Variants in DCLK2 observed in about 807,000 individuals in gnomAD.
DCLK2 encodes doublecortin like kinase 2, also known as serine/threonine-protein kinase DCLK2.
A neutral mutation model predicts 78.4 loss-of-function variants in DCLK2; 31 were observed. The observed-to-expected ratio is 0.40, with a 90% CI of 0.30 to 0.53. The LOEUF is 0.53. DCLK2 is among the 20% of genes least tolerant of loss of function. DCLK2 has a pLI of 0.61. For missense variants in DCLK2, 872 were observed against 973.7 expected (o/e 0.90, Z 1.39); for synonymous variants, 407 against 374.9 (o/e 1.09, Z -0.99).
chr4:150,188,863 C>A (rs1163215089), intron 2 of DCLK2, among the ~76,000 whole-genome samples: 3 of 147,452 alleles, frequency 2.0e-5, no homozygotes, highest in Non-Finnish European at 4.5e-5. Flanking sequence ...CTAGATCATG[C>A]CACTGCACTC....
At chr4:150,104,067 A>G (rs1451789671) in intron 2 of DCLK2, among the ~76,000 whole-genome samples, 1 of 152,140 alleles carries the variant, frequency 6.6e-6, no homozygotes, top group Non-Finnish European at 1.5e-5. Context: ...AGACACATAT[A>G]GAGACAAAAA....
At chr4:150,189,454 A>T (rs1268071517) in intron 2 of DCLK2, among the ~76,000 whole-genome samples, 6 of 152,220 alleles carry the variant, frequency 3.9e-5, no homozygotes, top group Non-Finnish European at 8.8e-5. Context: ...TCAACTGGAA[A>T]GCAGAGATGC....
chr4:150,122,518 C>T, intron 2 of DCLK2, among the ~76,000 whole-genome samples: 1 of 152,144 alleles, frequency 6.6e-6, no homozygotes, highest in East Asian at 1.9e-4. Flanking sequence ...AAACTAAACA[C>T]CACATGTTCT....
intron 8 of DCLK2, among the ~76,000 whole-genome samples, chr4:150,226,773 C>T (rs1045592049): frequency 2.6e-5 from 4 of 152,208 alleles, no homozygotes; most frequent in African/African-American, 9.6e-5. Context: ...ACAACTATTT[C>T]CACATTAAGA....
At chr4:150,192,334 G>T (rs943576818) in intron 2 of DCLK2, among the ~76,000 whole-genome samples, 1 of 152,028 alleles carries the variant, frequency 6.6e-6, no homozygotes. Context: ...TAAAAAATTA[G>T]CTGGGTGTGG....
chr4:150,079,557 A>G, intron 1 of DCLK2, 109 bp downstream of exon 1: 1 of 1,130,478 alleles, frequency 8.8e-7, no homozygotes, highest in Admixed American at 3.2e-5. Context: ...GCCGCACGGG[A>G]ATTGATGCTT....
chr4:150,253,318 C>A, intron 15 of DCLK2: 1 of 734,034 alleles, frequency 1.4e-6, no homozygotes, highest in Non-Finnish European at 2.2e-6. Context: ...CATCAGATAA[C>A]TTACAGACAG....
At chr4:150,203,520 A>G (rs1026670953) in intron 4 of DCLK2, among the ~76,000 whole-genome samples, 4 of 151,944 alleles carry the variant, frequency 2.6e-5, no homozygotes, top group Non-Finnish European at 4.4e-5. Context: ...TCTCGTTCAC[A>G]TCACTAATTC....
intron 9 of DCLK2, 25 bp downstream of exon 9, chr4:150,232,481 G>T (rs902824420): frequency 6.2e-7 from 1 of 1,610,642 alleles, no homozygotes; most frequent in African/African-American, 1.3e-5. Context: ...AGATTTTCTT[G>T]GTGCCTAGTC....
At chr4:150,208,633 A>G (rs1327517409) in intron 5 of DCLK2, among the ~76,000 whole-genome samples, 3 of 151,988 alleles carry the variant, frequency 2.0e-5, no homozygotes. Context: ...GAGAGAGGAA[A>G]TCCTGGGGTT....
At chr4:150,193,305 T>G in intron 3 of DCLK2, 65 bp downstream of exon 3, 1 of 1,061,672 alleles carries the variant, frequency 9.4e-7, no homozygotes, top group Non-Finnish European at 1.4e-6. Context: ...AGGCTTGGGA[T>G]TTAGCCACTC....
chr4:150,209,311 C>A (rs767674910), intron 5 of DCLK2, among the ~76,000 whole-genome samples: 1 of 152,158 alleles, frequency 6.6e-6, no homozygotes, highest in Non-Finnish European at 1.5e-5. Flanking sequence ...TTTCTGCAGG[C>A]CACACACAGC....
In DCLK2 at chr4:150,209,450, G is replaced by A. The variant is rs1314389984; in HGVS notation, c.1056+5561G>A. ...TTGTTACGAGGCTACAGATCTCCTC[G>A]AGACTCTGGTTTATTTTCCTTTTGT... On this transcript the variant is annotated intron_variant, in intron 5 of 15. Transcript: ENST00000296550. Among the ~76,000 whole-genome samples the A allele has an allele frequency of 1.1e-4, 17 of 152,326 alleles. No individual in the cohort carries two copies. In the East Asian group the frequency reaches 3.1e-3, roughly 28 times the overall value.
At chr4:150,080,954 T>TA (rs1245858283) in intron 1 of DCLK2, among the ~76,000 whole-genome samples, 19 of 152,138 alleles carry the variant, frequency 1.2e-4, no homozygotes, top group African/African-American at 4.3e-4. Flanking sequence ...GGAGTATAAG[T>TA]AAAAAAGGAA....
At chr4:150,176,026 A>G (rs1737066412) in intron 2 of DCLK2, among the ~76,000 whole-genome samples, 1 of 152,220 alleles carries the variant, frequency 6.6e-6, no homozygotes, top group African/African-American at 2.4e-5. Flanking sequence ...GCAGAAGAAG[A>G]TAGGTGGCTG....
intron 15 of DCLK2, chr4:150,253,310 T>C (rs369662886): frequency 5.7e-5 from 39 of 679,760 alleles, no homozygotes; most frequent in African/African-American, 5.6e-4. Context: ...GGTTGAATCA[T>C]CAGATAACTT....
rs746906483 is a variant in DCLK2 at position 150,232,405 on chromosome 4, C to T, written c.1368C>T (p.Val456=). Residue 456 remains valine (V), a synonymous_variant, in exon 9 of 16, where the codon GTC becomes GTT. Transcript: ENST00000296550. ...AACATCCCAATATCATTATGCTGGT[C>T]GAGGAGATGGAAACAGCAACTGAGC... The part of the protein sequence containing the change: ...RVKHPNIIML[V]EEMETATELF... 1.4e-5 allele frequency: 23 copies of T among 1,613,802 alleles called. No individual in the cohort carries two copies. The African/African-American group carries it at 1.9e-4, about 13-fold the overall frequency.
At chr4:150,248,192 C>A in intron 13 of DCLK2, 113 bp from the exon 14 acceptor site, 1 of 815,870 alleles carries the variant, frequency 1.2e-6, no homozygotes, top group Non-Finnish European at 2.0e-6. Flanking sequence ...AATCAGTTAG[C>A]AGCTGTGCTG....
rs1330162066 is a variant in DCLK2 at position 150,232,763 on chromosome 4, A to G, written c.1501A>G (p.Asn501Asp). 24 of 1,614,032 alleles carry G rather than the reference A, an allele frequency of 1.5e-5. No homozygotes were observed. The East Asian group carries it at 5.3e-4, about 36-fold the overall frequency. Residue 501 changes from asparagine (N) to aspartate (D), a missense_variant, in exon 10 of 16, where the codon AAT (asparagine) becomes GAT (aspartate). Physicochemically the swap from Asn to Asp is conservative, Grantham distance 23 (BLOSUM62 1). This residue lies in a region of DCLK2 where 86 missense variants were observed against 150.3 expected (regional missense o/e 0.57). Coordinates refer to ENST00000296550, the MANE Select transcript of DCLK2 (RefSeq NM_001040260.4). Reference protein sequence around the residue: ...DGSAMVYNLANALRYLHGLSI... With the variant: ...DGSAMVYNLADALRYLHGLSI... ...CAGTGCCATGGTGTACAACTTAGCCAATGCCCTCAGGTATCTCCATGGCCT... is the reference window on the plus strand; with the variant it reads ...CAGTGCCATGGTGTACAACTTAGCCGATGCCCTCAGGTATCTCCATGGCCT...
Sources: gnomAD v4.1 joint callset for allele counts (sites outside exome capture counted in the v4.1 genomes callset) on GRCh38, gnomAD v4.1.1 for gene constraint, gnomAD v4.1.1 regional missense constraint, MANE v1.5 for transcripts, NCBI Gene and HGNC (gene_info 2026-07-23, HGNC 2026-07-21) for gene names.